Variants in IRAK3 observed in about 807,000 individuals in gnomAD.
IRAK3 encodes the protein interleukin-1 receptor-associated kinase 3.
IRAK3 carries 57 observed loss-of-function variants against 56.6 expected under a neutral mutation model. The ratio of observed to expected loss-of-function variants is 1.01; its 90% confidence interval spans 0.81 to 1.26. The LOEUF (loss-of-function observed/expected upper bound fraction) is 1.26. Ranked by LOEUF, IRAK3 falls within the 50% of genes most tolerant of loss-of-function variation. IRAK3 has a pLI of 0.00. For missense variants in IRAK3, 703 were observed against 719.0 expected (o/e 0.98, Z 0.25); for synonymous variants, 258 against 255.7 (o/e 1.01, Z -0.09).
At chr12:66,195,989 CA>C (rs2052448971) in intron 1 of IRAK3, among the ~76,000 whole-genome samples, 1 of 150,638 alleles carries the variant, frequency 6.6e-6, no homozygotes, top group African/African-American at 2.4e-5. Context: ...CACCCCCCCC[CA>C]CCACTCTCTT....
At chr12:66,221,651 G>A (rs985798722) in intron 6 of IRAK3, among the ~76,000 whole-genome samples, 1 of 152,162 alleles carries the variant, frequency 6.6e-6, no homozygotes, top group African/African-American at 2.4e-5. Flanking sequence ...TTAATATGGT[G>A]TATCATTTAC....
chr12:66,251,400 G>A lies in IRAK3; in HGVS notation c.*3229G>A, dbSNP rs565092423. 9.2e-5 allele frequency: 14 copies of A among 152,324 alleles called. No individual in the cohort carries two copies. Among genetic ancestry groups the A allele is most frequent in the African/African-American group, 2.6e-4 (11 of 41,570 alleles). 9.4% of individuals were successfully genotyped at this position (152,324 alleles called of 1,614,324 possible). On this transcript the variant is annotated 3_prime_UTR_variant, in exon 12 of 12. Transcript: ENST00000261233. ...ATGATGTGGAGACCAAGATACATAA[G>A]AAAGCAAGAATGAGTCTCCGGGTGT...
intron 6 of IRAK3, among the ~76,000 whole-genome samples, chr12:66,221,909 A>G (rs759664623): frequency 6.6e-6 from 1 of 152,184 alleles, no homozygotes; most frequent in Non-Finnish European, 1.5e-5. Flanking sequence ...CACGCTTGCA[A>G]TCCCAGCTAT....
In IRAK3 at chr12:66,250,200, C is replaced by G. The variant is rs1474290441; in HGVS notation, c.*2029C>G. 6.6e-6 allele frequency: 1 copy of G among 152,212 alleles called. No homozygotes were observed. The highest frequency in any genetic ancestry group is 6.5e-5 in the Admixed American group (1 of 15,274). The allele number at this position is 152,212 out of a possible 1,614,324, so 9.4% of individuals were successfully genotyped here. A position where few individuals can be genotyped will look rare whatever the true frequency, so the allele number is the denominator to read the frequency against. ...AAGAAAACCATTTTCAGAGGATTTA[C>G]TGAATTTTCCTCTCCAAGGAGCTTG... is the stretch of plus-strand genomic sequence containing the variant. On this transcript the variant is annotated 3_prime_UTR_variant, in exon 12 of 12. Coordinates refer to ENST00000261233, the MANE Select transcript of IRAK3 (RefSeq NM_007199.3).
chr12:66,211,669 T>C (rs1329129160), intron 5 of IRAK3, 72 bp downstream of exon 5: 2 of 1,307,832 alleles, frequency 1.5e-6, no homozygotes, highest in Non-Finnish European at 2.2e-6. Context: ...AAATATGTCA[T>C]TTTTCATCAA....
At chr12:66,234,396 G>A in intron 8 of IRAK3, 1 of 1,611,410 alleles carries the variant, frequency 6.2e-7, no homozygotes, top group African/African-American at 1.3e-5. Context: ...CTTTGCACCT[G>A]GTAGGCAGAT....
At chr12:66,194,689 C>T (rs1428984887) in intron 1 of IRAK3, among the ~76,000 whole-genome samples, 3 of 151,884 alleles carry the variant, frequency 2.0e-5, no homozygotes, top group Non-Finnish European at 2.9e-5. Flanking sequence ...ATTAGCCGGG[C>T]GTGGTGGCAG....
At chr12:66,211,146 A>C (rs755736989) in intron 4 of IRAK3, among the ~76,000 whole-genome samples, 1 of 152,196 alleles carries the variant, frequency 6.6e-6, no homozygotes, top group Non-Finnish European at 1.5e-5. Context: ...ACATTGACCT[A>C]ATGACCAGAA....
chr12:66,209,814 C>G (rs1416657108), intron 3 of IRAK3, among the ~76,000 whole-genome samples: 2 of 152,062 alleles, frequency 1.3e-5, no homozygotes, highest in African/African-American at 2.4e-5. Flanking sequence ...TTTTAATTTT[C>G]CTTTTTTGGT....
intron 5 of IRAK3, among the ~76,000 whole-genome samples, chr12:66,214,243 G>C (rs185987455): frequency 5.3e-5 from 8 of 152,186 alleles, no homozygotes; most frequent in Admixed American, 2.6e-4. Context: ...CTGGAGGCAG[G>C]CTGGGCATGG....
chr12:66,229,917 G>T (rs2052826504), intron 8 of IRAK3, among the ~76,000 whole-genome samples: 1 of 152,182 alleles, frequency 6.6e-6, no homozygotes, highest in Admixed American at 6.5e-5. Context: ...TTATTTTAAA[G>T]CCCCAAGCAG....
At chr12:66,194,714 AGCTACTTG>A (rs2052433684) in intron 1 of IRAK3, among the ~76,000 whole-genome samples, 3 of 151,740 alleles carry the variant, frequency 2.0e-5, no homozygotes, top group Admixed American at 1.3e-4. Flanking sequence ...CTGTAATCTC[AGCTACTTG>A]GGAGGCTGAG....
chr12:66,202,070 A>T (rs1168760), intron 1 of IRAK3, among the ~76,000 whole-genome samples: 30,879 of 152,172 alleles, frequency 0.2, 5,910 homozygotes, highest in African/African-American at 0.49. Context: ...AATTAAACAA[A>T]TGAGTAAATA....
At chr12:66,213,628 T>C (rs1392385519) in intron 5 of IRAK3, among the ~76,000 whole-genome samples, 1 of 152,138 alleles carries the variant, frequency 6.6e-6, no homozygotes, top group Non-Finnish European at 1.5e-5. Context: ...AATAATGATA[T>C]GTCAACTTAA....
chr12:66,220,981 T>C (rs2052727495), intron 6 of IRAK3, among the ~76,000 whole-genome samples: 1 of 152,254 alleles, frequency 6.6e-6, no homozygotes, highest in Non-Finnish European at 1.5e-5. Flanking sequence ...TTAACAATAT[T>C]AATTCTTTCA....
At chr12:66,220,746 T>C (rs2052724527) in intron 6 of IRAK3, among the ~76,000 whole-genome samples, 1 of 151,960 alleles carries the variant, frequency 6.6e-6, no homozygotes. Context: ...GGTCTCGATC[T>C]CCTGACCTCG....
At position 66,200,537 on chromosome 12, in the gene IRAK3, C is replaced by T. The variant is rs139535136; in HGVS notation, c.134-3174C>T. 2.2e-3 allele frequency among the ~76,000 whole-genome samples: 333 copies of T among 152,186 alleles called. 1 individual carries two copies. The highest frequency in any genetic ancestry group is 7.9e-3 in the African/African-American group (326 of 41,520). On this transcript the variant is annotated intron_variant, in intron 1 of 11. Transcript: ENST00000261233. ...TATTGGCAGCACTAGTAATGTCTAC[C>T]GGGTCAATTTTTAGCTCATAGAAAG... is the stretch of plus-strand genomic sequence containing the variant.
Position 66,189,351 on chromosome 12 carries a change from T to C in IRAK3, c.52T>C (p.Phe18Leu). The change falls in exon 1 of 12, where the codon TTC becomes CTC. Residue 18 changes from phenylalanine to leucine, a missense_variant. Transcript: ENST00000261233. ...CGCGCTGTCGGCGCACACGCTGCTG[T>C]TCGACCTGCCGCCCGCGCTGCTCGG... ...RGALSAHTLLFDLPPALLGEL... is the reference protein window; with the variant it reads ...RGALSAHTLLLDLPPALLGEL... The C allele has an allele frequency of 6.5e-7, 1 of 1,531,932 alleles. No individual in the cohort carries two copies. Among genetic ancestry groups the C allele is most frequent in the Non-Finnish European group, 8.7e-7 (1 of 1,145,462 alleles). The allele number at this position is 1,531,932 out of a possible 1,614,324, so 94.9% of individuals were successfully genotyped here. A position where few individuals can be genotyped will look rare whatever the true frequency, so the allele number is the denominator to read the frequency against.
chr12:66,242,610 C>T (rs1361236678), intron 8 of IRAK3, among the ~76,000 whole-genome samples: 3 of 152,130 alleles, frequency 2.0e-5, no homozygotes, highest in Non-Finnish European at 4.4e-5. Context: ...CTCATTGATA[C>T]GAGCCTTGGG....
Sources: allele counts gnomAD v4.1 joint callset (sites outside exome capture counted in the v4.1 genomes callset), GRCh38; gene constraint gnomAD v4.1.1; transcripts MANE v1.5; gene names NCBI Gene and HGNC (gene_info 2026-07-23, HGNC 2026-07-21).